The following BTN1A1 variants were observed in gnomAD, a reference collection of about 807,000 sequenced individuals.
BTN1A1 encodes butyrophilin subfamily 1 member A1.
A neutral mutation model predicts 33.1 loss-of-function variants in BTN1A1; 26 were observed. The observed-to-expected ratio is 0.79, with a 90% CI of 0.58 to 1.09. BTN1A1 has a LOEUF of 1.09. Ranked by LOEUF, BTN1A1 falls within the 50% of genes least tolerant of loss-of-function variation. The pLI is 0.00. For synonymous variants in BTN1A1, 235 were observed against 256.2 expected, an observed-to-expected ratio of 0.92 and a Z score of 0.79; for missense variants, 558 against 655.7, an observed-to-expected ratio of 0.85 and a Z score of 1.63.
At position 26,501,359 on chromosome 6, in the gene BTN1A1, G is replaced by T; in HGVS notation, c.73G>T (p.Asp25Tyr). The T allele has an allele frequency of 6.2e-7, 1 of 1,613,296 alleles. No homozygotes were observed. The highest frequency in any genetic ancestry group is 8.5e-7 in the Non-Finnish European group (1 of 1,179,364). The change falls in exon 2 of 8, where the codon GAT (aspartate) becomes TAT (tyrosine). Residue 25 changes from aspartate (D) to tyrosine (Y), a missense_variant. Asp to Tyr is a radical substitution (Grantham distance 160). Transcript: ENST00000684113. This position sits in a 1 kb window ranked among gnomAD's most constrained non-coding sequence, Gnocchi z 5.2. ...TLILLQLPKL[D>Y]SAPFDVIGPP... Reference sequence around the variant, plus strand: ...CATTCTCCTCCAGCTGCCCAAACTGGATTCAGGTAAGTCTCTCTCTCTCTC... The same window carrying T: ...CATTCTCCTCCAGCTGCCCAAACTGTATTCAGGTAAGTCTCTCTCTCTCTC...
intron 7 of BTN1A1, 37 bp downstream of exon 7, chr6:26,508,124 C>A: frequency 6.3e-7 from 1 of 1,577,106 alleles, no homozygotes; most frequent in Non-Finnish European, 8.6e-7. Context: ...CTCTGAGGCT[C>A]TATCCCCTAG....
At chr6:26,503,949 A>G (rs371132284) in intron 3 of BTN1A1, among the ~76,000 whole-genome samples, 2 of 152,196 alleles carry the variant, frequency 1.3e-5, no homozygotes, top group Non-Finnish European at 2.9e-5. Flanking sequence ...GTATATACAC[A>G]CATTCTTGGA....
Position 26,509,222 on chromosome 6 carries a change from C to A in BTN1A1, c.*48C>A. The A allele has an allele frequency of 6.7e-7, 1 of 1,495,788 alleles. No individual in the cohort carries two copies. Among genetic ancestry groups the A allele is most frequent in the Non-Finnish European group, 9.1e-7 (1 of 1,101,686 alleles). 92.7% of individuals were successfully genotyped at this position (1,495,788 alleles called of 1,614,324 possible). A position where few individuals can be genotyped will look rare whatever the true frequency, so the allele number is the denominator to read the frequency against. On this transcript the variant is annotated 3_prime_UTR_variant, in exon 8 of 8. Transcript: ENST00000684113. The stretch of plus-strand genomic sequence containing the variant: ...TTCCTTTCCTCTAACCCCTCTCCTC[C>A]ATAGCCTTCTGAGGCTTCACCTGCT...
intron 5 of BTN1A1, 23 bp downstream of exon 5, chr6:26,506,855 G>A (rs1471676520): frequency 6.2e-7 from 1 of 1,612,978 alleles, no homozygotes; most frequent in Non-Finnish European, 8.5e-7. Flanking sequence ...ATCCACAAGG[G>A]CTACGTGTCA....
In BTN1A1 at chr6:26,501,250, TCA is replaced by T; in HGVS notation, c.-34_-33del. The T allele has an allele frequency of 6.4e-7, 1 of 1,566,658 alleles. No individual in the cohort carries two copies. Among genetic ancestry groups the T allele is most frequent in the South Asian group, 1.1e-5 (1 of 90,046 alleles). On this transcript the variant is annotated 5_prime_UTR_variant, in exon 2 of 8. Transcript: ENST00000684113. The surrounding 1 kb of genome is among the most constrained non-coding windows in gnomAD (Gnocchi z 5.2). ...CCTAGGCTGAAGCTCCTGAGGGGAC[TCA>T]CATCAGTTATCTTGCTGCTCCAGAA...
In BTN1A1 at chr6:26,509,731, G is replaced by A. The variant is rs367615336; in HGVS notation, c.*557G>A. On this transcript the variant is annotated 3_prime_UTR_variant, in exon 8 of 8. Coordinates refer to ENST00000684113, the MANE Select transcript of BTN1A1 (RefSeq NM_001732.3). ...CTATATCGCAAATTTTCTAAGCCAC[G>A]TCCTATAGGACAGAGGAGACTGGCC... 19 of 154,994 alleles carry A rather than the reference G, an allele frequency of 1.2e-4. No individual in the cohort carries two copies. The highest frequency in any genetic ancestry group is 3.6e-4 in the African/African-American group (15 of 41,436). The allele number at this position is 154,994 out of a possible 1,614,324, so 9.6% of individuals were successfully genotyped here.
In BTN1A1 at chr6:26,501,889, A is replaced by G; in HGVS notation, c.379A>G (p.Arg127Gly). Residue 127 changes from arginine to glycine, a missense_variant, in exon 3 of 8, where the codon AGG becomes GGG. Coordinates refer to ENST00000684113, the MANE Select transcript of BTN1A1 (RefSeq NM_001732.3). The surrounding 1 kb of genome is among the most constrained non-coding windows in gnomAD (Gnocchi z 5.2). The stretch of plus-strand genomic sequence containing the variant: ...CGACGGGGAGTACACGTGCTTTTTC[A>G]GGGAGGATGGAAGCTACGAAGAAGC... ...SDDGEYTCFF[R>G]EDGSYEEALV... 6.2e-7 allele frequency: 1 copy of G among 1,601,490 alleles called. No individual in the cohort carries two copies. The highest frequency in any genetic ancestry group is 8.5e-7 in the Non-Finnish European group (1 of 1,171,706).
chr6:26,504,619 C>T (rs1183065734), intron 3 of BTN1A1, among the ~76,000 whole-genome samples: 1 of 152,086 alleles, frequency 6.6e-6, no homozygotes, highest in African/African-American at 2.4e-5. Flanking sequence ...TCCCAAGTAG[C>T]TAGGAATACA....
Position 26,505,014 on chromosome 6 carries a change from C to A in BTN1A1, c.517C>A (p.Pro173Thr). 1 of 1,614,082 alleles carries A rather than the reference C, an allele frequency of 6.2e-7. No homozygotes were observed. The highest frequency in any genetic ancestry group is 8.5e-7 in the Non-Finnish European group (1 of 1,179,976). ...ECTSVGWYPE[P>T]QVQWRTSKGE... ...CACCTCAGTGGGATGGTACCCAGAG[C>A]CCCAGGTGCAGTGGAGAACTTCCAA... Residue 173 changes from proline (P) to threonine (T), a missense_variant, in exon 4 of 8, where the codon CCC becomes ACC. By Grantham distance (38) the Pro-to-Thr change is conservative. Coordinates refer to ENST00000684113, the MANE Select transcript of BTN1A1 (RefSeq NM_001732.3).
chr6:26,503,008 GT>G (rs1763823044), intron 3 of BTN1A1, among the ~76,000 whole-genome samples: 1 of 152,118 alleles, frequency 6.6e-6, no homozygotes, highest in Non-Finnish European at 1.5e-5. Flanking sequence ...AACTGAGGAT[GT>G]TTTTATCTAA....
In BTN1A1 at chr6:26,501,970, C is replaced by T. The variant is rs921990332; in HGVS notation, c.427+33C>T. 1 of 1,529,286 alleles carries T rather than the reference C, an allele frequency of 6.5e-7. No homozygotes were observed. The highest frequency in any genetic ancestry group is 1.8e-4 in the Middle Eastern group (1 of 5,666). 94.7% of individuals were successfully genotyped at this position (1,529,286 alleles called of 1,614,324 possible). On this transcript the variant is annotated intron_variant, in intron 3 of 7. Coordinates refer to ENST00000684113, the MANE Select transcript of BTN1A1 (RefSeq NM_001732.3). The surrounding 1 kb of genome is among the most constrained non-coding windows in gnomAD (Gnocchi z 5.2). ...GACGGGTTTTGACTTTCTCCGACGA[C>T]TCCCCTGCTGTATACACTTTCGTAT...
At chr6:26,502,080 G>C in intron 3 of BTN1A1, 143 bp downstream of exon 3, 21 of 1,253,822 alleles carry the variant, frequency 1.7e-5, no homozygotes, top group Non-Finnish European at 2.2e-5. Context: ...CTATCTGGGC[G>C]GGAGGCGAGG....
chr6:26,507,465 G>A (rs1161408404), intron 5 of BTN1A1, among the ~76,000 whole-genome samples: 3 of 152,040 alleles, frequency 2.0e-5, no homozygotes, highest in African/African-American at 7.2e-5. Context: ...GCTCATGCCC[G>A]TAGTAATCTT....
Position 26,501,349 on chromosome 6 carries a change from G to T in BTN1A1, c.63G>T (p.Leu21=), listed in dbSNP as rs1431800277. 1 of 1,613,808 alleles carries T rather than the reference G, an allele frequency of 6.2e-7. No homozygotes were observed. ...TGCTCACCCTCATTCTCCTCCAGCT[G>T]CCCAAACTGGATTCAGGTAAGTCTC... ...RCLLTLILLQ[L]PKLDSAPFDV... The change falls in exon 2 of 8, where the codon CTG becomes CTT. Residue 21 remains leucine (L), a synonymous_variant. Transcript: ENST00000684113. The surrounding 1 kb of genome is among the most constrained non-coding windows in gnomAD (Gnocchi z 5.2).
chr6:26,508,822 G>A lies in BTN1A1; in HGVS notation c.1229G>A (p.Arg410Gln), dbSNP rs765523860. 1.2e-5 allele frequency: 20 copies of A among 1,614,032 alleles called. No homozygotes were observed. The Admixed American group carries it at 1.7e-4, about 13-fold the overall frequency. ...GNGYWALTPL[R>Q]TPLPLAGPPR... ...GGGTACTGGGCCCTCACTCCTCTCC[G>A]GACCCCTCTCCCATTGGCAGGGCCC... Residue 410 changes from arginine to glutamine, a missense_variant, in exon 8 of 8, where the codon CGG becomes CAG. Coordinates refer to ENST00000684113, the MANE Select transcript of BTN1A1 (RefSeq NM_001732.3).
At position 26,501,973 on chromosome 6, in the gene BTN1A1, C is replaced by T; in HGVS notation, c.427+36C>T. ...GGGTTTTGACTTTCTCCGACGACTC[C>T]CCTGCTGTATACACTTTCGTATGGA... is the stretch of plus-strand genomic sequence containing the variant. On this transcript the variant is annotated intron_variant, in intron 3 of 7. Transcript: ENST00000684113. The surrounding 1 kb of genome is among the most constrained non-coding windows in gnomAD (Gnocchi z 5.2). 3 of 1,526,586 alleles carry T rather than the reference C, an allele frequency of 2.0e-6. No individual in the cohort carries two copies. Among genetic ancestry groups the T allele is most frequent in the Non-Finnish European group, 1.8e-6 (2 of 1,138,072 alleles). 94.6% of individuals were successfully genotyped at this position (1,526,586 alleles called of 1,614,324 possible).
At chr6:26,505,838 G>A (rs1198423474) in intron 4 of BTN1A1, among the ~76,000 whole-genome samples, 3 of 152,062 alleles carry the variant, frequency 2.0e-5, no homozygotes, top group Non-Finnish European at 4.4e-5. Context: ...GACTAAGTTG[G>A]CCGGGCGTGG....
At position 26,501,992 on chromosome 6, in the gene BTN1A1, G is replaced by A. The variant is rs1763807639; in HGVS notation, c.427+55G>A. ...CGACTCCCCTGCTGTATACACTTTC[G>A]TATGGATCAGTTACTTTGGAAACCA... On this transcript the variant is annotated intron_variant, in intron 3 of 7. Transcript: ENST00000684113. This position sits in a 1 kb window ranked among gnomAD's most constrained non-coding sequence, Gnocchi z 5.2. 2 of 1,500,720 alleles carry A rather than the reference G, an allele frequency of 1.3e-6. No individual in the cohort carries two copies. The highest frequency in any genetic ancestry group is 2.8e-5 in the African/African-American group (2 of 71,642). 93.0% of individuals were successfully genotyped at this position (1,500,720 alleles called of 1,614,324 possible).
Position 26,508,601 on chromosome 6 carries a change from G to A in BTN1A1, c.1008G>A (p.Glu336=), listed in dbSNP as rs1165762504. The A allele has an allele frequency of 6.2e-7, 1 of 1,614,204 alleles. No individual in the cohort carries two copies. Among genetic ancestry groups the A allele is most frequent in the Non-Finnish European group, 8.5e-7 (1 of 1,180,044 alleles). Reference sequence around the variant, plus strand: ...AAGATTCACGTCAGAAACTGCCTGAGAAAACAGAGAGATTTGACTCCTGGC... The same window carrying A: ...AAGATTCACGTCAGAAACTGCCTGAAAAAACAGAGAGATTTGACTCCTGGC... The part of the protein sequence containing the change: ...RLEDSRQKLP[E]KTERFDSWPC... Residue 336 remains glutamate, a synonymous_variant, in exon 8 of 8, where the codon GAG becomes GAA. Transcript: ENST00000684113.
Sources: allele counts gnomAD v4.1 joint callset (sites outside exome capture counted in the v4.1 genomes callset), GRCh38; gene constraint gnomAD v4.1.1; non-coding constraint Gnocchi (gnomAD v3.1); transcripts MANE v1.5; gene names NCBI Gene and HGNC (gene_info 2026-07-23, HGNC 2026-07-21).